Variants in VAV3 observed in about 807,000 individuals in gnomAD.
VAV3 encodes the protein vav guanine nucleotide exchange factor 3, also known as guanine nucleotide exchange factor VAV3.
Under a neutral mutation model 131.2 loss-of-function variants are expected in VAV3, and 94 were observed. The ratio of observed to expected loss-of-function variants is 0.72; its 90% confidence interval spans 0.61 to 0.85. VAV3 has a LOEUF of 0.85. VAV3 is among the 40% of genes least tolerant of loss of function. VAV3 has a pLI of 0.00. For missense variants in VAV3, 939 were observed against 1,002.7 expected (o/e 0.94, Z 0.86); for synonymous variants, 349 against 342.0 (o/e 1.02, Z -0.22).
intron 20 of VAV3, among the ~76,000 whole-genome samples, chr1:107,638,879 C>T (rs1474036424): frequency 5.3e-5 from 8 of 151,870 alleles, no homozygotes; most frequent in Non-Finnish European, 1.0e-4. Context: ...CCTACATATA[C>T]ATATATATGA....
chr1:107,610,009 A>C (rs1360538400), intron 21 of VAV3, 44 bp from the exon 22 acceptor site: 1 of 1,581,964 alleles, frequency 6.3e-7, no homozygotes, highest in African/African-American at 1.3e-5. Context: ...TACATAAGGG[A>C]AGCTTTTAGA....
Position 107,681,819 on chromosome 1 carries a change from AT to A in VAV3, c.1777+1668del, listed in dbSNP as rs996591660. 2.6e-3 allele frequency among the ~76,000 whole-genome samples: 386 copies of A among 147,536 alleles called. 4 individuals carry two copies. Among genetic ancestry groups the A allele is most frequent in the African/African-American group, 8.8e-3 (355 of 40,322 alleles). The stretch of plus-strand genomic sequence containing the variant: ...CAGGCACCCGCCACCACCCCCAGCT[AT>A]TTTTTTTTTGCTTGTATTTTTAGTA... On this transcript the variant is annotated intron_variant, in intron 19 of 26. Transcript: ENST00000370056.
intron 2 of VAV3, among the ~76,000 whole-genome samples, chr1:107,837,313 C>A (rs570065674): frequency 3.7e-4 from 57 of 152,162 alleles, no homozygotes; most frequent in African/African-American, 1.3e-3. Context: ...GAACTAAAAT[C>A]AAAAACCATA....
At chr1:107,776,306 C>T (rs559511601) in intron 4 of VAV3, among the ~76,000 whole-genome samples, 3 of 152,216 alleles carry the variant, frequency 2.0e-5, no homozygotes, top group Non-Finnish European at 4.4e-5. Context: ...AAGTCCCACA[C>T]CTCACAAAAG....
chr1:107,952,322 G>A (rs1363239668), intron 1 of VAV3, among the ~76,000 whole-genome samples: 3 of 151,740 alleles, frequency 2.0e-5, no homozygotes, highest in Non-Finnish European at 2.9e-5. Context: ...AGTGCAGGAT[G>A]AGAAGAGGGA....
chr1:107,892,516 T>C lies in VAV3; in HGVS notation c.205-17499A>G, dbSNP rs544955610. Among the ~76,000 whole-genome samples, 6 of 152,336 alleles carry C rather than the reference T, an allele frequency of 3.9e-5. No individual in the cohort carries two copies. In the East Asian group the frequency reaches 9.6e-4, roughly 24 times the overall value. ...TGTAAATTTCCTTTTCTGATTTTTC[T>C]AATTCTCCTTCCCCTTTTTTCTATT... On this transcript the variant is annotated intron_variant, in intron 1 of 26. Coordinates refer to ENST00000370056, the MANE Select transcript of VAV3 (RefSeq NM_006113.5).
At position 107,867,821 on chromosome 1, in the gene VAV3, G is replaced by A. The variant is rs568679603; in HGVS notation, c.321+7080C>T. On this transcript the variant is annotated intron_variant, in intron 2 of 26. Transcript: ENST00000370056. ...AGGAAAAATACTCAGGATCCCAAAT[G>A]CCGCTCTGAGACTGGAAGTTGGTAC... 3.9e-5 allele frequency among the ~76,000 whole-genome samples: 6 copies of A among 152,262 alleles called. No individual in the cohort carries two copies. In the East Asian group the frequency reaches 1.2e-3, roughly 29 times the overall value.
intron 2 of VAV3, among the ~76,000 whole-genome samples, chr1:107,870,276 C>T (rs1557892585): frequency 6.6e-6 from 1 of 152,294 alleles, no homozygotes; most frequent in East Asian, 1.9e-4. Flanking sequence ...GTTCCCTGAT[C>T]ACTGCATCCA....
intron 1 of VAV3, among the ~76,000 whole-genome samples, chr1:107,903,201 A>G (rs1162188445): frequency 6.6e-6 from 1 of 152,154 alleles, no homozygotes; most frequent in Non-Finnish European, 1.5e-5. Context: ...GTTCATAAGA[A>G]AAAAGCACCT....
intron 1 of VAV3, among the ~76,000 whole-genome samples, chr1:107,901,920 G>A (rs2101090384): frequency 6.6e-6 from 1 of 152,128 alleles, no homozygotes; most frequent in South Asian, 2.1e-4. Context: ...GCATGCACCT[G>A]TAATCCCAGC....
intron 2 of VAV3, among the ~76,000 whole-genome samples, chr1:107,827,274 C>G: frequency 6.6e-6 from 1 of 152,090 alleles, no homozygotes; most frequent in East Asian, 1.9e-4. Flanking sequence ...ACACTTAGTT[C>G]TTCCCTTCTC....
At chr1:107,880,606 G>A (rs1254942031) in intron 1 of VAV3, among the ~76,000 whole-genome samples, 1 of 152,082 alleles carries the variant, frequency 6.6e-6, no homozygotes, top group African/African-American at 2.4e-5. Flanking sequence ...GACCAGCCTG[G>A]CCAACATGGC....
rs181696848 is a variant in VAV3, at chr1:107,876,527, T to C, written c.205-1510A>G. Reference sequence around the variant, plus strand: ...GAGAAGGACAGTTCCCCAAATGTAGTCCTGATTAGGTGAAGTGGGGAGAGA... The same window carrying C: ...GAGAAGGACAGTTCCCCAAATGTAGCCCTGATTAGGTGAAGTGGGGAGAGA... On this transcript the variant is annotated intron_variant, in intron 1 of 26. Coordinates refer to ENST00000370056, the MANE Select transcript of VAV3 (RefSeq NM_006113.5). 1.0e-3 allele frequency among the ~76,000 whole-genome samples: 158 copies of C among 152,206 alleles called. 1 individual carries two copies. The highest frequency in any genetic ancestry group is 2.8e-3 in the Admixed American group (43 of 15,274).
At chr1:107,650,741 T>A (rs1195749004) in intron 19 of VAV3, among the ~76,000 whole-genome samples, 1 of 121,514 alleles carries the variant, frequency 8.2e-6, no homozygotes, top group Non-Finnish European at 1.6e-5. Context: ...TCCCAGAGTG[T>A]GATGTTCCCC....
chr1:107,731,377 C>T (rs554893223), intron 15 of VAV3, among the ~76,000 whole-genome samples: 8 of 152,222 alleles, frequency 5.3e-5, no homozygotes, highest in African/African-American at 2.4e-5. Flanking sequence ...TGGTAAGCTA[C>T]GTTAATGAAA....
intron 1 of VAV3, among the ~76,000 whole-genome samples, chr1:107,929,518 G>A (rs1571154769): frequency 1.3e-5 from 2 of 151,972 alleles, no homozygotes; most frequent in South Asian, 2.1e-4. Flanking sequence ...TAGTAAGTAC[G>A]CAGAAAAATA....
chr1:107,843,537 G>A (rs144086562), intron 2 of VAV3, among the ~76,000 whole-genome samples: 1,641 of 147,552 alleles, frequency 0.011, 32 homozygotes, highest in African/African-American at 0.039. Flanking sequence ...GTGTGTGTGT[G>A]TATATATATA....
intron 1 of VAV3, among the ~76,000 whole-genome samples, chr1:107,953,721 G>A (rs1674664926): frequency 6.6e-6 from 1 of 152,066 alleles, no homozygotes; most frequent in South Asian, 2.1e-4. Context: ...AAACCATGCT[G>A]CCCCCATGCT....
In VAV3 at chr1:107,880,798, A is replaced by G. The variant is rs923567571; in HGVS notation, c.205-5781T>C. Among the ~76,000 whole-genome samples the G allele has an allele frequency of 8.8e-5, 6 of 68,124 alleles. No individual in the cohort carries two copies. In the East Asian group the frequency reaches 8.9e-4, roughly 10 times the overall value. The allele number at this position is 68,124 out of a possible 152,430, so 44.7% of individuals were successfully genotyped here. On this transcript the variant is annotated intron_variant, in intron 1 of 26. Coordinates refer to ENST00000370056, the MANE Select transcript of VAV3 (RefSeq NM_006113.5). The stretch of plus-strand genomic sequence containing the variant: ...GCAACAAAGTGAGATTCTGTCTCCA[A>G]AAAAAAAAAAGAAAAGAAAAAAAGC...
Sources: allele counts gnomAD v4.1 joint callset (sites outside exome capture counted in the v4.1 genomes callset), GRCh38; gene constraint gnomAD v4.1.1; transcripts MANE v1.5; gene names NCBI Gene and HGNC (gene_info 2026-07-23, HGNC 2026-07-21).